NPEPPS: variants seen among roughly 807,000 people sequenced by gnomAD.
NPEPPS encodes the protein aminopeptidase puromycin sensitive, also known as puromycin-sensitive aminopeptidase.
A neutral mutation model predicts 115.5 loss-of-function variants in NPEPPS; 14 were observed. The observed-to-expected ratio is 0.12, with a 90% confidence interval of 0.08 to 0.19. NPEPPS has a LOEUF of 0.19. Among genes scored for constraint, NPEPPS ranks in the 10% least tolerant of loss-of-function variants. The pLI is 1.00. For synonymous variants in NPEPPS, 285 were observed against 390.6 expected (o/e 0.73, Z 3.19); for missense variants, 523 against 1,110.8 (o/e 0.47, Z 7.52).
intron 13 of NPEPPS, among the ~76,000 whole-genome samples, chr17:47,598,024 G>T (rs554292405): frequency 6.6e-6 from 1 of 152,274 alleles, no homozygotes; most frequent in Non-Finnish European, 1.5e-5. Context: ...CTATTTCTTT[G>T]CAGTCTTTTT....
chr17:47,551,888 G>A (rs1344438685), intron 2 of NPEPPS, among the ~76,000 whole-genome samples: 4 of 132,520 alleles, frequency 3.0e-5, no homozygotes, highest in African/African-American at 1.1e-4. Flanking sequence ...TTTCAAAGAG[G>A]AAGAGTTTAT....
At chr17:47,550,254 G>A (rs1231051272) in intron 2 of NPEPPS, among the ~76,000 whole-genome samples, 3 of 150,342 alleles carry the variant, frequency 2.0e-5, no homozygotes, top group Non-Finnish European at 4.4e-5. Flanking sequence ...CTTTGTGTAA[G>A]TTTTTATTTG....
chr17:47,572,616 G>A (rs57724999), intron 3 of NPEPPS, among the ~76,000 whole-genome samples: 500 of 152,206 alleles, frequency 3.3e-3, no homozygotes, highest in African/African-American at 0.012. Context: ...AAATTATGAT[G>A]GGTATAAAAA....
chr17:47,567,544 TTGA>T (rs1169260094), intron 2 of NPEPPS, among the ~76,000 whole-genome samples: 1 of 152,202 alleles, frequency 6.6e-6, no homozygotes, highest in Non-Finnish European at 1.5e-5. Context: ...AATAGCTTTA[TTGA>T]TGTATAATTC....
rs766722582 is a variant in NPEPPS, at chr17:47,599,627, A to T, written c.1537-49A>T. On this transcript the variant is annotated intron_variant, in intron 13 of 22. Transcript: ENST00000322157. ...CCTCCTCTTCAAAAACAAAAACCAA[A>T]ACCCCAGATGGTGTCAGTACTATTA... 2.0e-5 allele frequency: 30 copies of T among 1,495,366 alleles called. No individual in the cohort carries two copies. In the Admixed American group the frequency reaches 6.0e-4, roughly 30 times the overall value. 92.6% of individuals were successfully genotyped at this position (1,495,366 alleles called of 1,614,324 possible).
intron 17 of NPEPPS, among the ~76,000 whole-genome samples, chr17:47,607,815 T>C (rs887017044): frequency 6.6e-6 from 1 of 152,182 alleles, no homozygotes; most frequent in Non-Finnish European, 1.5e-5. Flanking sequence ...GAAGTTGCCA[T>C]GTACAGGGAT....
At chr17:47,534,863 C>T (rs981297293) in intron 1 of NPEPPS, among the ~76,000 whole-genome samples, 41 of 151,930 alleles carry the variant, frequency 2.7e-4, no homozygotes, top group African/African-American at 9.4e-4. Context: ...GCCACCATGC[C>T]CGGCCAACTT....
chr17:47,566,906 T>A (rs1320065108), intron 2 of NPEPPS, among the ~76,000 whole-genome samples: 1 of 151,916 alleles, frequency 6.6e-6, no homozygotes, highest in African/African-American at 2.4e-5. Context: ...GAAACCCCTG[T>A]CTCTACTAAA....
intron 3 of NPEPPS, among the ~76,000 whole-genome samples, chr17:47,574,679 C>T (rs1005784957): frequency 1.3e-5 from 2 of 152,128 alleles, no homozygotes; most frequent in Non-Finnish European, 2.9e-5. Flanking sequence ...CAGCCTCAAA[C>T]TCCTGGGTTT....
At chr17:47,548,196 A>C (rs1286635442) in intron 2 of NPEPPS, 1 of 152,200 alleles carries the variant, frequency 6.6e-6, no homozygotes, top group African/African-American at 2.4e-5. Context: ...TAGAAAGTCA[A>C]AGTAGTAGCA....
chr17:47,620,591 T>C (rs1243212897), intron 22 of NPEPPS, among the ~76,000 whole-genome samples: 1 of 152,206 alleles, frequency 6.6e-6, no homozygotes, highest in African/African-American at 2.4e-5. Context: ...TACTCTGCGA[T>C]GGAATGGAAA....
chr17:47,613,835 A>ACAATATGCATC, intron 19 of NPEPPS, 110 bp downstream of exon 19: 2 of 717,278 alleles, frequency 2.8e-6, no homozygotes, highest in South Asian at 1.8e-5. Flanking sequence ...AAAGATGCAT[A>ACAATATGCATC]TTGTAGACAT....
intron 1 of NPEPPS, among the ~76,000 whole-genome samples, chr17:47,535,804 GT>G (rs1908197017): frequency 6.9e-6 from 1 of 144,954 alleles, no homozygotes; most frequent in Non-Finnish European, 1.5e-5. Context: ...TTATGAGTGT[GT>G]AGTGGTTGGT....
chr17:47,609,726 C>T (rs1317904420), intron 17 of NPEPPS, among the ~76,000 whole-genome samples: 4 of 152,166 alleles, frequency 2.6e-5, no homozygotes, highest in Admixed American at 2.6e-4. Flanking sequence ...TTGAGCCTCC[C>T]GTGCCTACCC....
At chr17:47,562,797 AG>A (rs1281878979) in intron 2 of NPEPPS, among the ~76,000 whole-genome samples, 1 of 151,386 alleles carries the variant, frequency 6.6e-6, no homozygotes, top group Non-Finnish European at 1.5e-5. Context: ...AAAAAAAAAA[AG>A]AATCTCTTCA....
intron 10 of NPEPPS, among the ~76,000 whole-genome samples, 175 bp downstream of exon 10, chr17:47,591,056 C>G (rs1401626701): frequency 6.6e-6 from 1 of 152,280 alleles, no homozygotes; most frequent in African/African-American, 2.4e-5. Context: ...ATTAACATTT[C>G]TTTTTAAGGT....
At chr17:47,531,661 G>C in intron 1 of NPEPPS, 106 bp downstream of exon 1, 2 of 1,299,346 alleles carry the variant, frequency 1.5e-6, no homozygotes, top group Non-Finnish European at 2.0e-6. Context: ...GCCTCGGGTC[G>C]GGGCTGGGCG....
At chr17:47,531,059 C>T (rs1907704751), upstream of NPEPPS, 7 of 470,268 alleles carry the variant, frequency 1.5e-5, no homozygotes, top group African/African-American at 8.5e-5. Flanking sequence ...GCGCGCACTC[C>T]ACGGGGGCGC....
chr17:47,617,200 G>A (rs1914262256), intron 19 of NPEPPS, among the ~76,000 whole-genome samples: 2 of 152,224 alleles, frequency 1.3e-5, no homozygotes. Flanking sequence ...ACATATAGTA[G>A]TAATTTTATT....
Sources: gnomAD v4.1 joint callset for allele counts (sites outside exome capture counted in the v4.1 genomes callset) on GRCh38, gnomAD v4.1.1 for gene constraint, MANE v1.5 for transcripts, NCBI Gene and HGNC (gene_info 2026-07-23, HGNC 2026-07-21) for gene names.